LRP1B: variants seen among roughly 807,000 people sequenced by gnomAD.
LRP1B encodes the protein low-density lipoprotein receptor-related protein 1B.
A neutral mutation model predicts 556.6 loss-of-function variants in LRP1B; 217 were observed. The observed-to-expected ratio is 0.39, with a 90% CI of 0.35 to 0.44. The LOEUF (loss-of-function observed/expected upper bound fraction) is 0.44. LRP1B is among the 20% of genes least tolerant of loss of function. LRP1B has a pLI of 1.00. For missense variants in LRP1B, 5,053 were observed against 5,620.8 expected (o/e 0.90, Z 3.23); for synonymous variants, 2,047 against 1,865.8 (o/e 1.10, Z -2.50).
intron 5 of LRP1B, among the ~76,000 whole-genome samples, chr2:141,232,406 TG>T (rs749602890): frequency 6.6e-6 from 1 of 152,210 alleles, no homozygotes; most frequent in Non-Finnish European, 1.5e-5. Context: ...GCATCCTTGC[TG>T]CAAAGTTTTA....
chr2:140,312,902 C>T (rs1206089625), intron 83 of LRP1B, among the ~76,000 whole-genome samples: 2 of 151,758 alleles, frequency 1.3e-5, no homozygotes, highest in African/African-American at 2.4e-5. Context: ...TATTATTGTC[C>T]TATACAACTG....
intron 2 of LRP1B, among the ~76,000 whole-genome samples, chr2:141,713,226 A>G (rs556164728): frequency 2.6e-5 from 4 of 151,950 alleles, no homozygotes; most frequent in Non-Finnish European, 5.9e-5. Flanking sequence ...TAAACATCAC[A>G]TAAGATAGAG....
intron 14 of LRP1B, among the ~76,000 whole-genome samples, chr2:141,011,357 C>T (rs570553037): frequency 2.0e-5 from 3 of 152,094 alleles, no homozygotes; most frequent in African/African-American, 7.2e-5. Context: ...CTGCTCACAA[C>T]TGAACATCGG....
chr2:140,974,772 A>G (rs1696541627), intron 18 of LRP1B, among the ~76,000 whole-genome samples: 2 of 152,216 alleles, frequency 1.3e-5, no homozygotes, highest in Admixed American at 6.5e-5. Flanking sequence ...AGAGAAACCG[A>G]TATTTGGAAC....
intron 20 of LRP1B, among the ~76,000 whole-genome samples, chr2:140,927,092 A>G (rs1694908396): frequency 6.6e-6 from 1 of 152,156 alleles, no homozygotes; most frequent in Admixed American, 6.6e-5. Context: ...GATCACCTGA[A>G]GTCAGAGTTC....
At position 141,734,087 on chromosome 2, in the gene LRP1B, T is replaced by C. The variant is rs146126628; in HGVS notation, c.205+76192A>G. Among the ~76,000 whole-genome samples the C allele has an allele frequency of 1.2e-4, 19 of 152,220 alleles. 1 individual carries two copies. In the East Asian group the frequency reaches 3.7e-3, roughly 29 times the overall value. The stretch of plus-strand genomic sequence containing the variant: ...ATTAAATAACTAAGGTGGTTGGCAA[T>C]TAGATCTTGAAATTAAAAAAAATTA... On this transcript the variant is annotated intron_variant, in intron 2 of 90. Coordinates refer to ENST00000389484, the MANE Select transcript of LRP1B (RefSeq NM_018557.3).
At chr2:142,104,511 T>C (rs1706680320) in intron 1 of LRP1B, among the ~76,000 whole-genome samples, 1 of 152,152 alleles carries the variant, frequency 6.6e-6, no homozygotes, top group African/African-American at 2.4e-5. Flanking sequence ...AAGCTGGCCA[T>C]TTTCCAAATA....
At chr2:141,187,886 C>T (rs1681327324) in intron 7 of LRP1B, among the ~76,000 whole-genome samples, 1 of 151,762 alleles carries the variant, frequency 6.6e-6, no homozygotes, top group African/African-American at 2.4e-5. Context: ...AATTCACTAA[C>T]ACCATAATAA....
At chr2:141,691,317 A>G (rs1394403453) in intron 2 of LRP1B, among the ~76,000 whole-genome samples, 4 of 151,834 alleles carry the variant, frequency 2.6e-5, no homozygotes, top group African/African-American at 9.7e-5. Context: ...GGAACTTGAA[A>G]TATTATTTTC....
chr2:141,870,379 C>T (rs1008567762), intron 1 of LRP1B, among the ~76,000 whole-genome samples: 2 of 151,854 alleles, frequency 1.3e-5, no homozygotes, highest in Admixed American at 1.3e-4. Context: ...GCAAACCACA[C>T]TCTGGGGTTT....
chr2:140,610,354 C>A (rs1683025866), intron 41 of LRP1B, among the ~76,000 whole-genome samples: 1 of 152,098 alleles, frequency 6.6e-6, no homozygotes, highest in African/African-American at 2.4e-5. Flanking sequence ...ATCCATTGAG[C>A]AATCAAAATC....
chr2:140,792,288 A>T (rs1350577871), intron 32 of LRP1B, among the ~76,000 whole-genome samples: 1 of 152,152 alleles, frequency 6.6e-6, no homozygotes, highest in Non-Finnish European at 1.5e-5. Flanking sequence ...ATCCTTTGTT[A>T]GTTTAATTCA....
chr2:141,091,149 T>C lies in LRP1B; in HGVS notation c.1014-28876A>G, dbSNP rs75212735. ...ACACAATGAAGATGGAATAGAAGAG[T>C]ATAAAAAAAGATCAGATAAAGAGAG... is the stretch of plus-strand genomic sequence containing the variant. On this transcript the variant is annotated intron_variant, in intron 7 of 90. Transcript: ENST00000389484. 5.3e-3 allele frequency among the ~76,000 whole-genome samples: 798 copies of C among 151,660 alleles called. 12 individuals carry two copies. The highest frequency in any genetic ancestry group is 0.017 in the African/African-American group (720 of 41,344).
intron 37 of LRP1B, among the ~76,000 whole-genome samples, chr2:140,714,201 G>C (rs1349874948): frequency 6.6e-6 from 1 of 152,148 alleles, no homozygotes; most frequent in African/African-American, 2.4e-5. Flanking sequence ...ATATGTACTT[G>C]TATTTTGTCA....
chr2:141,722,951 T>C (rs1021170115), intron 2 of LRP1B, among the ~76,000 whole-genome samples: 2 of 152,182 alleles, frequency 1.3e-5, no homozygotes, highest in Non-Finnish European at 2.9e-5. Context: ...CAGTCTTACA[T>C]TGATGAATAT....
intron 35 of LRP1B, among the ~76,000 whole-genome samples, chr2:140,718,594 A>T (rs1431544177): frequency 6.6e-6 from 1 of 152,040 alleles, no homozygotes; most frequent in Admixed American, 6.6e-5. Flanking sequence ...AATATAAATA[A>T]GTTAGAATGG....
chr2:141,235,322 C>T (rs1402249180), intron 5 of LRP1B, among the ~76,000 whole-genome samples: 3 of 151,696 alleles, frequency 2.0e-5, no homozygotes, highest in Admixed American at 6.6e-5. Flanking sequence ...TAAGACAGTC[C>T]GCCTTCAAGA....
chr2:140,426,095 T>C (rs772099904), intron 66 of LRP1B, among the ~76,000 whole-genome samples: 28 of 152,192 alleles, frequency 1.8e-4, no homozygotes, highest in Non-Finnish European at 3.5e-4. Context: ...ACACTGACAG[T>C]ATCCTGAAAT....
chr2:141,925,172 G>A (rs969482842), intron 1 of LRP1B, among the ~76,000 whole-genome samples: 2 of 152,110 alleles, frequency 1.3e-5, no homozygotes, highest in Non-Finnish European at 2.9e-5. Flanking sequence ...AAATTCATAC[G>A]GTAATTTGAA....
Sources: gnomAD v4.1 joint callset for allele counts (sites outside exome capture counted in the v4.1 genomes callset) on GRCh38, gnomAD v4.1.1 for gene constraint, MANE v1.5 for transcripts, NCBI Gene and HGNC (gene_info 2026-07-23, HGNC 2026-07-21) for gene names.